INPP4B: variants seen among roughly 807,000 people sequenced by gnomAD.
The protein encoded by INPP4B is inositol polyphosphate 4-phosphatase type II.
In INPP4B, 55 loss-of-function variants were observed where a neutral mutation model predicts 122.5. That is an observed-to-expected ratio of 0.45 (90% CI 0.36 to 0.56). The LOEUF (loss-of-function observed/expected upper bound fraction) is 0.56, where lower values mean the gene tolerates loss of function less well. Among genes scored for constraint, INPP4B ranks in the 20% least tolerant of loss-of-function variants. INPP4B has a pLI of 0.00. For synonymous variants in INPP4B, 403 were observed against 388.7 expected (o/e 1.04, Z -0.43); for missense variants, 1,000 against 1,097.7 (o/e 0.91, Z 1.26).
At chr4:142,748,361 GGAAAA>G (rs946317334) in intron 1 of INPP4B, among the ~76,000 whole-genome samples, 4 of 151,638 alleles carry the variant, frequency 2.6e-5, no homozygotes, top group Non-Finnish European at 2.9e-5. Context: ...CCCAAAGTAA[GGAAAA>G]GAAAAGTAAT....
intron 2 of INPP4B, among the ~76,000 whole-genome samples, chr4:142,684,048 G>A (rs538568412): frequency 5.5e-4 from 84 of 151,976 alleles, no homozygotes; most frequent in Non-Finnish European, 8.4e-4. Context: ...GATATATGGA[G>A]ATGAAAAGAC....
chr4:142,626,165 A>G (rs952787552), intron 2 of INPP4B, among the ~76,000 whole-genome samples: 5 of 152,138 alleles, frequency 3.3e-5, no homozygotes, highest in South Asian at 2.1e-4. Flanking sequence ...CTTCTGCACA[A>G]CAAAAGAAAC....
At chr4:142,327,472 TG>T (rs943759799) in intron 7 of INPP4B, among the ~76,000 whole-genome samples, 3 of 149,132 alleles carry the variant, frequency 2.0e-5, no homozygotes, top group African/African-American at 7.4e-5. Flanking sequence ...GGGCATGGAG[TG>T]GAGGGGCTTT....
At chr4:142,092,681 A>G (rs189942944) in intron 23 of INPP4B, among the ~76,000 whole-genome samples, 1 of 152,310 alleles carries the variant, frequency 6.6e-6, no homozygotes, top group African/African-American at 2.4e-5. Context: ...TTTATCAGCA[A>G]GTTTTCTTTA....
At chr4:142,541,072 C>A (rs1236575177) in intron 2 of INPP4B, among the ~76,000 whole-genome samples, 2 of 152,072 alleles carry the variant, frequency 1.3e-5, no homozygotes, top group African/African-American at 4.8e-5. Flanking sequence ...AGACAGCATC[C>A]CTTCAGGACA....
chr4:142,809,049 C>T (rs1224174755), intron 1 of INPP4B, among the ~76,000 whole-genome samples: 1 of 151,810 alleles, frequency 6.6e-6, no homozygotes, highest in East Asian at 1.9e-4. Flanking sequence ...GTATGTTAAC[C>T]TTATCAGTAA....
At chr4:142,037,028 C>T (rs1012124553) in intron 25 of INPP4B, among the ~76,000 whole-genome samples, 2 of 152,276 alleles carry the variant, frequency 1.3e-5, no homozygotes, top group South Asian at 2.1e-4. Context: ...TAATCAGTAG[C>T]TTGCAAGGTA....
intron 15 of INPP4B, among the ~76,000 whole-genome samples, chr4:142,180,595 G>T (rs948174570): frequency 1.3e-5 from 2 of 152,128 alleles, no homozygotes; most frequent in Non-Finnish European, 2.9e-5. Context: ...TCAAGATGTA[G>T]AAATTGAAGC....
At chr4:142,219,814 A>C (rs1848660039) in intron 12 of INPP4B, among the ~76,000 whole-genome samples, 1 of 152,176 alleles carries the variant, frequency 6.6e-6, no homozygotes, top group African/African-American at 2.4e-5. Flanking sequence ...ATTCTATGTC[A>C]AATTTGTTTG....
chr4:142,108,167 T>C lies in INPP4B; in HGVS notation c.2300A>G (p.Glu767Gly). The change falls in exon 23 of 26, where the codon GAA (glutamate) becomes GGA (glycine). Residue 767 changes from glutamate to glycine, a missense_variant. By Grantham distance (98) the Glu-to-Gly change is moderately conservative (BLOSUM62 -2). Coordinates refer to ENST00000262992, the MANE Select transcript of INPP4B (RefSeq NM_001101669.3). ...AERFGDVSLQESINQENFELL... is the reference protein window; with the variant it reads ...AERFGDVSLQGSINQENFELL... The stretch of plus-strand genomic sequence containing the variant: ...TTCGAAGTTTTCCTGATTAATACTT[T>C]CTTGCAAAGAGACATCTCCAAACCT... The C allele has an allele frequency of 6.3e-7, 1 of 1,599,782 alleles. No individual in the cohort carries two copies.
intron 2 of INPP4B, among the ~76,000 whole-genome samples, chr4:142,652,620 A>G (rs1753231770): frequency 6.6e-6 from 1 of 152,232 alleles, no homozygotes; most frequent in Non-Finnish European, 1.5e-5. Flanking sequence ...CAATTGCTAC[A>G]AAGAGAATAA....
chr4:142,611,637 C>CTTTTTTTTTTTTTT (rs34482115), intron 2 of INPP4B, among the ~76,000 whole-genome samples: 4 of 65,236 alleles, frequency 6.1e-5, no homozygotes, highest in Non-Finnish European at 7.9e-5. Flanking sequence ...TTTCTTTTTT[C>CTTTTTTTTTTTTTT]TTTTTTTTTT....
chr4:142,202,684 C>T, intron 14 of INPP4B: 4 of 952,236 alleles, frequency 4.2e-6, no homozygotes, highest in Non-Finnish European at 5.0e-6. Context: ...TCACCTACAG[C>T]TTTATGATAT....
At chr4:142,112,767 G>T (rs1394993032) in intron 21 of INPP4B, 85 bp from the exon 22 acceptor site, 19 of 1,343,644 alleles carry the variant, frequency 1.4e-5, no homozygotes, top group Non-Finnish European at 1.9e-5. Flanking sequence ...ACATTAAAAG[G>T]GTTGGAATAT....
At chr4:142,503,515 A>G (rs1188053622) in intron 2 of INPP4B, among the ~76,000 whole-genome samples, 1 of 152,184 alleles carries the variant, frequency 6.6e-6, no homozygotes, top group Non-Finnish European at 1.5e-5. Flanking sequence ...AAGTTATTAA[A>G]CAATATCTAA....
intron 3 of INPP4B, among the ~76,000 whole-genome samples, chr4:142,455,138 C>A (rs1444110678): frequency 6.6e-6 from 1 of 151,976 alleles, no homozygotes; most frequent in East Asian, 1.9e-4. Context: ...TCCATTCCCT[C>A]AAGCAATTAT....
intron 7 of INPP4B, among the ~76,000 whole-genome samples, chr4:142,335,108 G>GAAAAAAAAAA (rs36074851): frequency 2.0e-4 from 13 of 65,118 alleles, no homozygotes; most frequent in African/African-American, 4.0e-4. Context: ...TGGGAAAAAT[G>GAAAAAAAAAA]AAAAAAAAAA....
chr4:142,682,860 AG>A (rs1437242706), intron 2 of INPP4B, among the ~76,000 whole-genome samples: 2 of 152,012 alleles, frequency 1.3e-5, no homozygotes, highest in Non-Finnish European at 1.5e-5. Flanking sequence ...ATCCATTAGT[AG>A]GTATAAAAAC....
chr4:142,536,206 ATT>A (rs926195998), intron 2 of INPP4B, among the ~76,000 whole-genome samples: 56 of 150,996 alleles, frequency 3.7e-4, no homozygotes, highest in African/African-American at 1.3e-3. Context: ...AAGAATTAAA[ATT>A]AACATTCAAT....
Sources: gnomAD v4.1 joint callset for allele counts (sites outside exome capture counted in the v4.1 genomes callset) on GRCh38, gnomAD v4.1.1 for gene constraint, MANE v1.5 for transcripts, NCBI Gene and HGNC (gene_info 2026-07-23, HGNC 2026-07-21) for gene names.